HNRNPC: variants seen among roughly 807,000 people sequenced by gnomAD.
The protein encoded by HNRNPC is heterogeneous nuclear ribonucleoprotein C, also known as heterogeneous nuclear ribonucleoproteins C1/C2.
HNRNPC carries 3 observed loss-of-function variants against 33.2 expected under a neutral mutation model. The observed-to-expected ratio is 0.09, with a 90% CI of 0.04 to 0.23. HNRNPC has a LOEUF of 0.23. HNRNPC is among the 10% of genes least tolerant of loss of function. HNRNPC has a pLI of 1.00. For missense variants in HNRNPC, 143 were observed against 366.7 expected (o/e 0.39, Z 4.98); for synonymous variants, 121 against 126.7 (o/e 0.96, Z 0.30).
chr14:21,224,923 G>A (rs913842867), intron 5 of HNRNPC, among the ~76,000 whole-genome samples: 2 of 152,034 alleles, frequency 1.3e-5, no homozygotes, highest in African/African-American at 4.8e-5. Context: ...TTTCATACTC[G>A]TTACTTATAT....
At position 21,245,427 on chromosome 14, in the gene HNRNPC, G is replaced by T. The variant is rs186710122; in HGVS notation, c.-36-11198C>A. Among the ~76,000 whole-genome samples the T allele has an allele frequency of 4.3e-3, 661 of 152,232 alleles. 2 individuals are homozygous for T. Among genetic ancestry groups the T allele is most frequent in the Non-Finnish European group, 7.5e-3 (511 of 68,024 alleles). On this transcript the variant is annotated intron_variant, in intron 2 of 8. Coordinates refer to ENST00000553300, the MANE Select transcript of HNRNPC (RefSeq NM_004500.4). ...AGGAGAAATCGCTTGAACCCGGGGG[G>T]TGGAGGTTGCAGTGGGCTGAGATCG...
At chr14:21,261,226 G>A (rs1878191547) in intron 2 of HNRNPC, among the ~76,000 whole-genome samples, 1 of 152,058 alleles carries the variant, frequency 6.6e-6, no homozygotes, top group African/African-American at 2.4e-5. Flanking sequence ...AAGCTGCGAA[G>A]CCCTTAAACA....
intron 2 of HNRNPC, 135 bp downstream of exon 2, chr14:21,263,176 T>G (rs1878493641): frequency 6.6e-6 from 1 of 152,374 alleles, no homozygotes; most frequent in African/African-American, 2.4e-5. Flanking sequence ...AAATCATCAG[T>G]GTCATTATCA....
chr14:21,236,242 GAT>G (rs1385243664), intron 2 of HNRNPC: 1 of 152,084 alleles, frequency 6.6e-6, no homozygotes, highest in Non-Finnish European at 1.5e-5. Flanking sequence ...TGAGTTTAAG[GAT>G]ATGATTTCTC....
At chr14:21,231,273 ACAGGCGGGCACCAC>A (rs759493604) in intron 3 of HNRNPC, 20 of 669,072 alleles carry the variant, frequency 3.0e-5, no homozygotes, top group Non-Finnish European at 5.2e-5. Context: ...AACTGTCACT[ACAGGCGGGCACCAC>A]CATGCCCAGC....
Position 21,230,338 on chromosome 14 carries a change from G to T in HNRNPC, c.346C>A (p.Gln116Lys). The change falls in exon 5 of 9, where the codon CAA becomes AAA. Residue 116 changes from glutamine to lysine, a missense_variant. Transcript: ENST00000553300. ...GSSFDLDYDF[Q>K]RDYYDRMYSY... Reference sequence around the variant, plus strand: ...ACATACCTATCATAATAGTCCCGTTGAAAGTCATAGTCCAAGTCAAAAGAG... The same window carrying T: ...ACATACCTATCATAATAGTCCCGTTTAAAGTCATAGTCCAAGTCAAAAGAG... The T allele has an allele frequency of 6.2e-7, 1 of 1,609,524 alleles. No homozygotes were observed. Among genetic ancestry groups the T allele is most frequent in the Non-Finnish European group, 8.5e-7 (1 of 1,176,208 alleles).
At chr14:21,256,636 A>T (rs1354840443) in intron 2 of HNRNPC, among the ~76,000 whole-genome samples, 1 of 151,944 alleles carries the variant, frequency 6.6e-6, no homozygotes, top group Non-Finnish European at 1.5e-5. Context: ...TATTTTGAAG[A>T]GCTGACAGCA....
At chr14:21,269,023 G>T (rs1251457366) in intron 1 of HNRNPC, among the ~76,000 whole-genome samples, 2 of 152,056 alleles carry the variant, frequency 1.3e-5, no homozygotes, top group Admixed American at 1.3e-4. Flanking sequence ...AGTCCTCGCG[G>T]TCGTAGAAAA....
chr14:21,218,359 A>G (rs1469735040), intron 5 of HNRNPC, among the ~76,000 whole-genome samples: 1 of 152,122 alleles, frequency 6.6e-6, no homozygotes, highest in Non-Finnish European at 1.5e-5. Context: ...AAAATTTTAA[A>G]CTGACAATGT....
chr14:21,231,579 T>A (rs1894122345), intron 3 of HNRNPC, among the ~76,000 whole-genome samples: 3 of 152,184 alleles, frequency 2.0e-5, no homozygotes. Context: ...GAATCACAGG[T>A]GTGAGCTATC....
chr14:21,231,251 A>G, intron 3 of HNRNPC, 179 bp from the exon 4 acceptor site: 2 of 686,458 alleles, frequency 2.9e-6, no homozygotes, highest in Non-Finnish European at 2.6e-6. Flanking sequence ...CTCCTGCCTC[A>G]GCCTCGAGAG....
At chr14:21,247,820 C>CAA (rs1216770970) in intron 2 of HNRNPC, among the ~76,000 whole-genome samples, 67 of 76,740 alleles carry the variant, frequency 8.7e-4, no homozygotes, top group African/African-American at 2.7e-3. Flanking sequence ...ACTAAAAATA[C>CAA]AAAAAAAAAA....
At chr14:21,250,544 TAA>T (rs1896522201) in intron 2 of HNRNPC, among the ~76,000 whole-genome samples, 2 of 152,354 alleles carry the variant, frequency 1.3e-5, no homozygotes, top group African/African-American at 4.8e-5. Context: ...TGATCTGCAT[TAA>T]GAGTTCAGAT....
rs1314517651 is a variant in HNRNPC, at chr14:21,241,275, A to AC, written c.-36-7047_-36-7046insG. Among the ~76,000 whole-genome samples, 10 of 151,342 alleles carry AC rather than the reference A, an allele frequency of 6.6e-5. 1 individual carries two copies. Among genetic ancestry groups the AC allele is most frequent in the Non-Finnish European group, 1.3e-4 (9 of 67,826 alleles). On this transcript the variant is annotated intron_variant, in intron 2 of 8. Coordinates refer to ENST00000553300, the MANE Select transcript of HNRNPC (RefSeq NM_004500.4). ...TATGTCTCAAAAAAAAAAAAAAAAA[A>AC]ACCACAACCATAACAACAAAAAAAC...
chr14:21,250,569 G>A (rs140980035), intron 2 of HNRNPC, among the ~76,000 whole-genome samples: 97 of 152,250 alleles, frequency 6.4e-4, no homozygotes, highest in African/African-American at 2.1e-3. Context: ...TTCAAAGCAC[G>A]TATTTCAGAA....
chr14:21,216,581 T>C (rs575742613), intron 5 of HNRNPC, among the ~76,000 whole-genome samples: 15 of 152,190 alleles, frequency 9.9e-5, no homozygotes, highest in African/African-American at 2.9e-4. Context: ...TGGTGGCACA[T>C]TCCTATAATC....
intron 2 of HNRNPC, chr14:21,236,588 T>C (rs1326183795): frequency 6.6e-6 from 1 of 152,204 alleles, no homozygotes; most frequent in Non-Finnish European, 1.5e-5. Context: ...CCTGAGAGCT[T>C]CCTTAAATTC....
At chr14:21,218,925 TATG>T (rs1892525355) in intron 5 of HNRNPC, among the ~76,000 whole-genome samples, 2 of 151,544 alleles carry the variant, frequency 1.3e-5, no homozygotes, top group Admixed American at 1.3e-4. Context: ...GCCTGGCTAA[TATG>T]ATGAAACCCC....
chr14:21,212,881 CA>C (rs1262519780), intron 6 of HNRNPC, 78 bp downstream of exon 6: 10 of 1,559,176 alleles, frequency 6.4e-6, no homozygotes, highest in Non-Finnish European at 8.8e-6. Context: ...TCATGTGGCA[CA>C]AAAATATTGT....
Sources: gnomAD v4.1 joint callset for allele counts (sites outside exome capture counted in the v4.1 genomes callset) on GRCh38, gnomAD v4.1.1 for gene constraint, MANE v1.5 for transcripts, NCBI Gene and HGNC (gene_info 2026-07-23, HGNC 2026-07-21) for gene names.